The following PCNT variants were observed in gnomAD, a reference collection of about 807,000 sequenced individuals.
The protein encoded by PCNT is kendrin.
A neutral mutation model predicts 380.4 loss-of-function variants in PCNT; 319 were observed. The observed-to-expected ratio is 0.84, with a 90% CI of 0.77 to 0.92. PCNT has a LOEUF of 0.92. PCNT is among the 40% of genes least tolerant of loss of function. The probability of loss-of-function intolerance (pLI) is 0.00; values close to 1 mark genes in which losing one functional copy is unlikely to be tolerated. For missense variants in PCNT, 4,400 were observed against 4,255.3 expected (o/e 1.03, Z -0.95); for synonymous variants, 1,845 against 1,735.2 (o/e 1.06, Z -1.57).
intron 3 of PCNT, among the ~76,000 whole-genome samples, chr21:46,342,160 G>T (rs946921307): frequency 8.6e-5 from 13 of 151,918 alleles, no homozygotes; most frequent in Non-Finnish European, 2.9e-5. Context: ...AGGCTGGAGT[G>T]CAATGGTGCA....
chr21:46,334,284 C>T, intron 2 of PCNT, 113 bp from the exon 3 acceptor site: 1 of 1,431,262 alleles, frequency 7.0e-7, no homozygotes, highest in Admixed American at 1.7e-5. Context: ...GAAGTGAGCT[C>T]TACTTGTTAA....
chr21:46,378,287 G>GT (rs1434603604), intron 15 of PCNT, among the ~76,000 whole-genome samples: 1 of 152,078 alleles, frequency 6.6e-6, no homozygotes, highest in African/African-American at 2.4e-5. Flanking sequence ...GAATCACCCT[G>GT]TGGTGTCTCT....
chr21:46,326,141 A>G (rs753154176), intron 1 of PCNT, among the ~76,000 whole-genome samples: 8 of 152,228 alleles, frequency 5.3e-5, no homozygotes, highest in Non-Finnish European at 7.3e-5. Flanking sequence ...TATTCTGCCA[A>G]TCAGCCGTAT....
intron 3 of PCNT, among the ~76,000 whole-genome samples, chr21:46,336,063 G>A (rs1421050090): frequency 2.0e-5 from 3 of 152,072 alleles, no homozygotes; most frequent in African/African-American, 4.8e-5. Context: ...TGCAACCTCC[G>A]CCTCCCAGGT....
intron 16 of PCNT, 53 bp downstream of exon 16, chr21:46,381,893 AT>A: frequency 1.1e-5 from 18 of 1,591,728 alleles, no homozygotes; most frequent in Non-Finnish European, 1.6e-5. Flanking sequence ...CATAAAAATC[AT>A]TTTCACTTTA....
intron 5 of PCNT, 50 bp downstream of exon 5, chr21:46,347,048 A>G (rs1451640227): frequency 6.4e-7 from 1 of 1,565,848 alleles, no homozygotes; most frequent in African/African-American, 1.3e-5. Flanking sequence ...CGGTGTGGGC[A>G]TTCTAGTGCC....
intron 8 of PCNT, 97 bp downstream of exon 8, chr21:46,349,917 C>G (rs957421251): frequency 1.7e-6 from 2 of 1,206,142 alleles, no homozygotes; most frequent in Non-Finnish European, 2.5e-6. Flanking sequence ...TTTGCTAAAA[C>G]TTAAGTTCTA....
chr21:46,378,171 G>T (rs1166445704), intron 15 of PCNT, among the ~76,000 whole-genome samples: 1 of 152,022 alleles, frequency 6.6e-6, no homozygotes, highest in Admixed American at 6.6e-5. Context: ...ACCCACAGGG[G>T]ATGCATTCCA....
At chr21:46,383,494 C>A (rs1161345223) in intron 16 of PCNT, among the ~76,000 whole-genome samples, 8 of 139,542 alleles carry the variant, frequency 5.7e-5, no homozygotes, top group African/African-American at 2.1e-4. Flanking sequence ...TATTCAGTGG[C>A]GGAAGCGCAT....
intron 2 of PCNT, among the ~76,000 whole-genome samples, chr21:46,333,668 A>G (rs1050835873): frequency 2.0e-5 from 3 of 151,800 alleles, no homozygotes; most frequent in African/African-American, 7.3e-5. Flanking sequence ...GGGGAGGCCG[A>G]GGCGGGTGGA....
At chr21:46,429,236 C>T (rs60747009) in intron 35 of PCNT, among the ~76,000 whole-genome samples, 2,837 of 150,730 alleles carry the variant, frequency 0.019, 82 homozygotes, top group African/African-American at 0.065. Context: ...TGCACATGCT[C>T]GTGAGGGGCA....
intron 12 of PCNT, 116 bp downstream of exon 12, chr21:46,355,742 G>C (rs1424634397): frequency 2.0e-6 from 2 of 1,008,844 alleles, no homozygotes; most frequent in Admixed American, 4.0e-5. Flanking sequence ...TGAGTGCTCC[G>C]ACCTCTTCTT....
In PCNT at chr21:46,442,433, T is replaced by C. The variant is rs926144471; in HGVS notation, c.9624-64T>C. The C allele has an allele frequency of 1.9e-5, 20 of 1,040,066 alleles. No homozygotes were observed. In the African/African-American group the frequency reaches 3.1e-4, roughly 16 times the overall value. The allele number at this position is 1,040,066 out of a possible 1,614,324, so 64.4% of individuals were successfully genotyped here. ...TGCTTGTTTGGTCACAGTGGGGTTT[T>C]CATTGCTCTTTCCCTTCCTGTCTTG... On this transcript the variant is annotated intron_variant, in intron 43 of 46. Coordinates refer to ENST00000359568, the MANE Select transcript of PCNT (RefSeq NM_006031.6).
At chr21:46,408,999 C>T (rs1221388548) in intron 27 of PCNT, among the ~76,000 whole-genome samples, 1 of 152,018 alleles carries the variant, frequency 6.6e-6, no homozygotes, top group African/African-American at 2.4e-5. Flanking sequence ...ACTGGGATTA[C>T]AGGCATGAGC....
intron 15 of PCNT, among the ~76,000 whole-genome samples, chr21:46,372,971 C>T (rs76638400): frequency 2.6e-5 from 4 of 152,350 alleles, no homozygotes; most frequent in Non-Finnish European, 2.9e-5. Flanking sequence ...TTTCTGAAAT[C>T]GTGTGTCACC....
At chr21:46,394,666 C>T (rs2086149118) in intron 21 of PCNT, 1 of 217,364 alleles carries the variant, frequency 4.6e-6, no homozygotes, top group African/African-American at 2.3e-5. Flanking sequence ...ATACTCTAAT[C>T]TTCAGTATTC....
At chr21:46,426,895 C>A (rs527923986) in intron 33 of PCNT, among the ~76,000 whole-genome samples, 36 of 152,346 alleles carry the variant, frequency 2.4e-4, no homozygotes, top group Middle Eastern at 6.8e-3. Flanking sequence ...GAAGGGCTTT[C>A]TCCCTGTGCC....
chr21:46,346,719 T>C (rs780861361), intron 4 of PCNT, 24 bp from the exon 5 acceptor site: 23 of 1,586,280 alleles, frequency 1.4e-5, no homozygotes, highest in African/African-American at 4.0e-5. Flanking sequence ...TGGGCCCTTA[T>C]CAGAGGCCTT....
intron 15 of PCNT, among the ~76,000 whole-genome samples, chr21:46,368,667 T>C (rs2085014287): frequency 6.6e-6 from 1 of 152,204 alleles, no homozygotes; most frequent in African/African-American, 2.4e-5. Context: ...TTGAAATAGA[T>C]GAGTCTGCTC....
Sources: gnomAD v4.1 joint callset for allele counts (sites outside exome capture counted in the v4.1 genomes callset) on GRCh38, gnomAD v4.1.1 for gene constraint, MANE v1.5 for transcripts, NCBI Gene and HGNC (gene_info 2026-07-23, HGNC 2026-07-21) for gene names.